GNAQ: variants seen among roughly 807,000 people sequenced by gnomAD.
GNAQ encodes G protein subunit alpha q.
Under a neutral mutation model 43.9 loss-of-function variants are expected in GNAQ, and 8 were observed. The observed-to-expected ratio is 0.18, with a 90% CI of 0.11 to 0.33. The LOEUF (loss-of-function observed/expected upper bound fraction) is 0.33. GNAQ is among the 10% of genes least tolerant of loss of function. GNAQ has a pLI of 1.00. For synonymous variants in GNAQ, 155 were observed against 170.7 expected, an observed-to-expected ratio of 0.91 and a Z score of 0.71; for missense variants, 158 against 450.8, an observed-to-expected ratio of 0.35 and a Z score of 5.88.
chr9:77,991,819 T>C (rs1181275088), intron 1 of GNAQ, among the ~76,000 whole-genome samples: 1 of 152,198 alleles, frequency 6.6e-6, no homozygotes, highest in East Asian at 1.9e-4. Flanking sequence ...ACATATGATA[T>C]TTAGTTTTCC....
Position 77,959,748 on chromosome 9 carries a change from TA to T in GNAQ, c.137-37404del, listed in dbSNP as rs201621351. 5.4e-3 allele frequency among the ~76,000 whole-genome samples: 820 copies of T among 152,106 alleles called. 5 individuals carry two copies. The highest frequency in any genetic ancestry group is 0.018 in the African/African-American group (765 of 41,492). On this transcript the variant is annotated intron_variant, in intron 1 of 6. Transcript: ENST00000286548. Reference sequence around the variant, plus strand: ...TAATATTTTACCAATACTCAAAGTATAAAAAAAATCAGAAGAGTCTCCTTTC... The same window carrying T: ...TAATATTTTACCAATACTCAAAGTATAAAAAAATCAGAAGAGTCTCCTTTC...
intron 3 of GNAQ, among the ~76,000 whole-genome samples, chr9:77,800,472 A>G (rs1826724783): frequency 6.6e-6 from 1 of 152,070 alleles, no homozygotes; most frequent in East Asian, 1.9e-4. Flanking sequence ...CTATCGCAAG[A>G]ACAAAAAACC....
chr9:77,889,882 A>T (rs918054104), intron 2 of GNAQ, among the ~76,000 whole-genome samples: 1 of 152,196 alleles, frequency 6.6e-6, no homozygotes, highest in African/African-American at 2.4e-5. Flanking sequence ...TTCATCCCAA[A>T]TGAAGCTTTT....
At chr9:77,749,380 T>C (rs1181680778) in intron 5 of GNAQ, among the ~76,000 whole-genome samples, 1 of 152,170 alleles carries the variant, frequency 6.6e-6, no homozygotes, top group Non-Finnish European at 1.5e-5. Flanking sequence ...AACCAGGTGG[T>C]AGAATGTTAT....
intron 2 of GNAQ, among the ~76,000 whole-genome samples, chr9:77,921,745 T>C (rs561453043): frequency 2.6e-5 from 4 of 152,258 alleles, no homozygotes; most frequent in South Asian, 2.1e-4. Flanking sequence ...CCAGACAGAA[T>C]AGTTTTAGGT....
At chr9:77,894,213 T>C (rs1215056782) in intron 2 of GNAQ, among the ~76,000 whole-genome samples, 1 of 142,222 alleles carries the variant, frequency 7.0e-6, no homozygotes, top group Non-Finnish European at 1.5e-5. Context: ...GATAAGGGTA[T>C]TACAGTATTC....
rs754786107 is a variant in GNAQ at position 77,718,726 on chromosome 9, ATTTTTTTTTTT to A, written c.*2586_*2596del. The A allele has an allele frequency of 2.6e-5, 3 of 114,378 alleles. No homozygotes were observed. Among genetic ancestry groups the A allele is most frequent in the Non-Finnish European group, 4.7e-5 (3 of 64,362 alleles). The allele number at this position is 114,378 out of a possible 1,614,324, so 7.1% of individuals were successfully genotyped here. A position where few individuals can be genotyped will look rare whatever the true frequency, so the allele number is the denominator to read the frequency against. ...GTAGGCCTTCAAATGTTGTTGTTTA[ATTTTTTTTTTT>A]TTTTTTTTTTTTTTTGCTGCACCAA... On this transcript the variant is annotated 3_prime_UTR_variant, in exon 7 of 7. Transcript: ENST00000286548.
intron 2 of GNAQ, 104 bp downstream of exon 2, chr9:77,922,057 C>T (rs1407592427): frequency 1.0e-5 from 6 of 594,302 alleles, no homozygotes; most frequent in Non-Finnish European, 2.9e-6. Flanking sequence ...TATTTCCAAA[C>T]CCCCCTATGC....
intron 1 of GNAQ, among the ~76,000 whole-genome samples, chr9:77,923,692 A>G (rs1333514330): frequency 1.3e-5 from 2 of 152,176 alleles, no homozygotes; most frequent in Non-Finnish European, 2.9e-5. Context: ...TAAAGACGGA[A>G]TAATAGAATG....
In GNAQ at chr9:77,836,071, AT is replaced by A. The variant is rs965385832; in HGVS notation, c.322-20302del. Among the ~76,000 whole-genome samples, 8 of 152,334 alleles carry A rather than the reference AT, an allele frequency of 5.3e-5. 1 individual carries two copies. In the South Asian group the frequency reaches 1.0e-3, roughly 20 times the overall value. On this transcript the variant is annotated intron_variant, in intron 2 of 6. Transcript: ENST00000286548. ...TATTCACTGAATATGCACTAAACTTATGGCCAAAATAACCAATCCAGACAAG... is the reference window on the plus strand; with the variant it reads ...TATTCACTGAATATGCACTAAACTTAGGCCAAAATAACCAATCCAGACAAG...
At chr9:78,021,995 T>C (rs939824644) in intron 1 of GNAQ, among the ~76,000 whole-genome samples, 4 of 152,194 alleles carry the variant, frequency 2.6e-5, no homozygotes, top group Admixed American at 6.5e-5. Context: ...TCTGATACCA[T>C]TTCTTGTGAA....
intron 2 of GNAQ, among the ~76,000 whole-genome samples, chr9:77,862,719 T>C (rs1827875104): frequency 1.3e-5 from 2 of 152,246 alleles, no homozygotes; most frequent in South Asian, 2.1e-4. Context: ...TCCTCGTTAC[T>C]TATGCAAATT....
intron 5 of GNAQ, among the ~76,000 whole-genome samples, chr9:77,784,257 C>A (rs1826440807): frequency 6.6e-6 from 1 of 151,958 alleles, no homozygotes; most frequent in African/African-American, 2.4e-5. Flanking sequence ...TAATATATCA[C>A]ACAGTGTATA....
rs77924026 is a variant in GNAQ, at chr9:77,785,842, G to A, written c.735+8621C>T. Among the ~76,000 whole-genome samples, 768 of 152,136 alleles carry A rather than the reference G, an allele frequency of 5.0e-3. 9 individuals carry two copies. The highest frequency in any genetic ancestry group is 0.018 in the African/African-American group (733 of 41,490). Reference sequence around the variant, plus strand: ...CAATTGTGAAGTACTTATTTGACGGGCTGATCTTAAAATTCAAATAGAAGA... The same window carrying A: ...CAATTGTGAAGTACTTATTTGACGGACTGATCTTAAAATTCAAATAGAAGA... On this transcript the variant is annotated intron_variant, in intron 5 of 6. Coordinates refer to ENST00000286548, the MANE Select transcript of GNAQ (RefSeq NM_002072.5).
chr9:77,883,427 T>C (rs1828247531), intron 2 of GNAQ, among the ~76,000 whole-genome samples: 1 of 151,766 alleles, frequency 6.6e-6, no homozygotes, highest in Non-Finnish European at 1.5e-5. Context: ...TGAGGAACAG[T>C]GGTTACTTCT....
Position 77,947,948 on chromosome 9 carries a change from T to C in GNAQ, c.137-25603A>G, listed in dbSNP as rs562817317. Among the ~76,000 whole-genome samples the C allele has an allele frequency of 1.6e-3, 240 of 152,214 alleles. 2 individuals carry two copies. The highest frequency in any genetic ancestry group is 4.9e-3 in the African/African-American group (202 of 41,528). ...AATCTCTGGGCCTCTTTTTCCACCA[T>C]CCATAAAAAGAAGAAAATAGGAGCA... On this transcript the variant is annotated intron_variant, in intron 1 of 6. Transcript: ENST00000286548.
rs2118183477 is a variant in GNAQ at position 77,719,240 on chromosome 9, CTA to C, written c.*2081_*2082del. 1 of 231,976 alleles carries C rather than the reference CTA, an allele frequency of 4.3e-6. No individual in the cohort carries two copies. Among genetic ancestry groups the C allele is most frequent in the South Asian group, 1.8e-4 (1 of 5,508 alleles). 14.4% of individuals were successfully genotyped at this position (231,976 alleles called of 1,614,324 possible). A position where few individuals can be genotyped will look rare whatever the true frequency, so the allele number is the denominator to read the frequency against. ...TAACATTATTCAAAACGTGAATTAG[CTA>C]TAGACATACAATACAATTACATAGA... On this transcript the variant is annotated 3_prime_UTR_variant, in exon 7 of 7. Transcript: ENST00000286548.
intron 3 of GNAQ, among the ~76,000 whole-genome samples, chr9:77,802,230 A>G (rs1248861921): frequency 6.6e-6 from 1 of 152,102 alleles, no homozygotes; most frequent in Non-Finnish European, 1.5e-5. Flanking sequence ...AGAAGGGATC[A>G]AAGAGCTGCT....
Position 77,770,937 on chromosome 9 carries a change from AATAAAACATTTTTCATTTTCTGAAAAAT to A in GNAQ, c.735+23498_735+23525del, listed in dbSNP as rs1238563440. ...AAAACATTTTTCATTTTCTGAAAAAAATAAAACATTTTTCATTTTCTGAAAAATATTTTCAGATCATGAAAAATAAAAC... is the reference window on the plus strand; with the variant it reads ...AAAACATTTTTCATTTTCTGAAAAAAATTTTCAGATCATGAAAAATAAAAC... On this transcript the variant is annotated intron_variant, in intron 5 of 6. Coordinates refer to ENST00000286548, the MANE Select transcript of GNAQ (RefSeq NM_002072.5). Among the ~76,000 whole-genome samples the A allele has an allele frequency of 5.5e-3, 834 of 152,300 alleles. 3 individuals are homozygous for A. Among genetic ancestry groups the A allele is most frequent in the African/African-American group, 0.018 (750 of 41,560 alleles).
Sources: gnomAD v4.1 joint callset for allele counts (sites outside exome capture counted in the v4.1 genomes callset) on GRCh38, gnomAD v4.1.1 for gene constraint, MANE v1.5 for transcripts, NCBI Gene and HGNC (gene_info 2026-07-23, HGNC 2026-07-21) for gene names.